Variants in PTPRR observed in about 807,000 individuals in gnomAD.
PTPRR encodes the protein receptor-type tyrosine-protein phosphatase R.
In PTPRR, 38 loss-of-function variants were observed where a neutral mutation model predicts 77.2. The ratio of observed to expected loss-of-function variants is 0.49; its 90% CI spans 0.38 to 0.65. The LOEUF is 0.65. PTPRR is among the 30% of genes least tolerant of loss of function. PTPRR has a pLI of 0.00. For missense variants in PTPRR, 744 were observed against 799.2 expected (o/e 0.93, Z 0.83); for synonymous variants, 299 against 283.1 (o/e 1.06, Z -0.57).
intron 6 of PTPRR, among the ~76,000 whole-genome samples, chr12:70,720,503 C>G (rs903121692): frequency 6.9e-6 from 1 of 145,418 alleles, no homozygotes; most frequent in Non-Finnish European, 1.5e-5. Context: ...CTCTGTTACC[C>G]TGGTAATTTT....
intron 7 of PTPRR, among the ~76,000 whole-genome samples, chr12:70,700,233 T>C (rs1006588836): frequency 2.6e-5 from 4 of 152,182 alleles, no homozygotes; most frequent in Non-Finnish European, 4.4e-5. Flanking sequence ...CCTGAACTAA[T>C]AATCAATTTA....
chr12:70,661,325 C>A, intron 11 of PTPRR: 2 of 584,502 alleles, frequency 3.4e-6, no homozygotes, highest in Admixed American at 2.4e-5. Context: ...AGATTTACAT[C>A]TCTACCTATA....
At chr12:70,917,145 AT>A (rs1565740505) in intron 1 of PTPRR, among the ~76,000 whole-genome samples, 2 of 152,204 alleles carry the variant, frequency 1.3e-5, no homozygotes, top group South Asian at 2.1e-4. Context: ...TCCACATAAT[AT>A]TTTTTTACCA....
intron 2 of PTPRR, among the ~76,000 whole-genome samples, chr12:70,842,844 C>T (rs1892419691): frequency 6.6e-6 from 1 of 152,084 alleles, no homozygotes; most frequent in East Asian, 1.9e-4. Flanking sequence ...CATTTTTTGG[C>T]CTACCACAGC....
chr12:70,726,048 G>T lies in PTPRR; in HGVS notation c.1007+19770C>A, dbSNP rs569552712. Among the ~76,000 whole-genome samples the T allele has an allele frequency of 3.3e-5, 5 of 150,834 alleles. No homozygotes were observed. In the South Asian group the frequency reaches 1.0e-3, roughly 32 times the overall value. On this transcript the variant is annotated intron_variant, in intron 6 of 13. Coordinates refer to ENST00000283228, the MANE Select transcript of PTPRR (RefSeq NM_002849.4). Reference sequence around the variant, plus strand: ...AGTGATATTTTTCAACATCTTCTTTGTATGACATTACCCAGAAGATCCAAG... The same window carrying T: ...AGTGATATTTTTCAACATCTTCTTTTTATGACATTACCCAGAAGATCCAAG...
chr12:70,671,776 A>G (rs979886083), intron 10 of PTPRR: 4 of 520,506 alleles, frequency 7.7e-6, no homozygotes, highest in African/African-American at 7.6e-5. Flanking sequence ...TCACTCTGAA[A>G]TACATATTTG....
At chr12:70,690,122 G>A (rs1319400420) in intron 8 of PTPRR, among the ~76,000 whole-genome samples, 1 of 152,158 alleles carries the variant, frequency 6.6e-6, no homozygotes, top group Non-Finnish European at 1.5e-5. Flanking sequence ...CCATGCAAAG[G>A]TAATACCCTA....
intron 2 of PTPRR, among the ~76,000 whole-genome samples, chr12:70,831,890 T>C (rs1001138375): frequency 1.3e-5 from 2 of 152,216 alleles, no homozygotes; most frequent in African/African-American, 4.8e-5. Flanking sequence ...GTTCTTCTTG[T>C]AGCACTCTAA....
intron 10 of PTPRR, among the ~76,000 whole-genome samples, chr12:70,676,556 TGA>T (rs1358693939): frequency 2.0e-5 from 3 of 152,056 alleles, no homozygotes; most frequent in African/African-American, 7.2e-5. Flanking sequence ...TTATGTTTGC[TGA>T]GAGTTTTTTA....
intron 13 of PTPRR, among the ~76,000 whole-genome samples, chr12:70,641,282 A>G (rs1885988349): frequency 6.6e-6 from 1 of 152,148 alleles, no homozygotes; most frequent in Non-Finnish European, 1.5e-5. Context: ...GGAAGCTTCT[A>G]TGTGCTCCAC....
At chr12:70,812,809 G>C (rs913050414) in intron 2 of PTPRR, among the ~76,000 whole-genome samples, 3 of 152,080 alleles carry the variant, frequency 2.0e-5, no homozygotes, top group African/African-American at 7.2e-5. Context: ...TTGCAGATAG[G>C]TTTCCATTTT....
chr12:70,642,979 T>A (rs1227256250), intron 13 of PTPRR, among the ~76,000 whole-genome samples: 1 of 152,160 alleles, frequency 6.6e-6, no homozygotes, highest in East Asian at 1.9e-4. Flanking sequence ...GAGACCAGCC[T>A]GGGTAACATA....
intron 2 of PTPRR, among the ~76,000 whole-genome samples, chr12:70,831,285 AGTTAGGT>A: frequency 6.6e-6 from 1 of 152,298 alleles, no homozygotes; most frequent in East Asian, 1.9e-4. Context: ...TGGTGGTAGG[AGTTAGGT>A]TAAAATCACT....
intron 2 of PTPRR, among the ~76,000 whole-genome samples, chr12:70,856,291 G>A (rs1373834609): frequency 6.6e-6 from 1 of 152,166 alleles, no homozygotes; most frequent in Non-Finnish European, 1.5e-5. Flanking sequence ...ACTGGCTACA[G>A]TGAAGGTGTG....
chr12:70,789,011 T>C, intron 2 of PTPRR: 5 of 662,498 alleles, frequency 7.5e-6, no homozygotes, highest in Non-Finnish European at 1.2e-5. Context: ...CCAGGTCTAC[T>C]GCAGCAGCCT....
At chr12:70,808,138 T>C (rs1172648148) in intron 2 of PTPRR, among the ~76,000 whole-genome samples, 1 of 152,066 alleles carries the variant, frequency 6.6e-6, no homozygotes, top group African/African-American at 2.4e-5. Flanking sequence ...CAGATGTAGA[T>C]AGGGATGAAA....
chr12:70,920,120 T>C (rs1469918634), intron 1 of PTPRR, among the ~76,000 whole-genome samples: 1 of 152,076 alleles, frequency 6.6e-6, no homozygotes, highest in African/African-American at 2.4e-5. Context: ...TCGTATAAAG[T>C]AAAGAAAAAT....
At chr12:70,888,886 C>A (rs149318605) in intron 2 of PTPRR, among the ~76,000 whole-genome samples, 1 of 152,110 alleles carries the variant, frequency 6.6e-6, no homozygotes, top group Non-Finnish European at 1.5e-5. Flanking sequence ...AAATTTGAGA[C>A]TTTTCAGGGT....
At chr12:70,659,417 T>C (rs1318467247) in intron 12 of PTPRR, among the ~76,000 whole-genome samples, 1 of 152,190 alleles carries the variant, frequency 6.6e-6, no homozygotes, top group Non-Finnish European at 1.5e-5. Flanking sequence ...AAAGCCAATC[T>C]AGTGACTGAT....
Sources: gnomAD v4.1 joint callset for allele counts (sites outside exome capture counted in the v4.1 genomes callset) on GRCh38, gnomAD v4.1.1 for gene constraint, MANE v1.5 for transcripts, NCBI Gene and HGNC (gene_info 2026-07-23, HGNC 2026-07-21) for gene names.